Variants in TASP1 observed in about 807,000 individuals in gnomAD.
The protein encoded by TASP1 is taspase 1, also known as threonine aspartase 1.
Under a neutral mutation model 56.6 loss-of-function variants are expected in TASP1, and 16 were observed. The observed-to-expected ratio is 0.28, with a 90% CI of 0.19 to 0.43. The LOEUF (loss-of-function observed/expected upper bound fraction) is 0.43, where lower values mean the gene tolerates loss of function less well. Among genes scored for constraint, TASP1 ranks in the 20% least tolerant of loss-of-function variants. The pLI, the probability that TASP1 is intolerant of heterozygous loss-of-function variation, is 1.00. For synonymous variants in TASP1, 179 were observed against 184.2 expected (o/e 0.97, Z 0.23); for missense variants, 393 against 511.6 (o/e 0.77, Z 2.24).
At chr20:13,252,937 C>G in the TASP1 span, among the ~76,000 whole-genome samples, 2 of 152,294 alleles carry the variant, frequency 1.3e-5, no homozygotes, top group East Asian at 1.9e-4. Context: ...CCAGCCCCCC[C>G]TCTCAGATCT....
At chr20:13,536,623 A>G (rs1374176118) in intron 8 of TASP1, among the ~76,000 whole-genome samples, 1 of 152,138 alleles carries the variant, frequency 6.6e-6, no homozygotes, top group African/African-American at 2.4e-5. Context: ...ATATGCCAGT[A>G]CTTTTTGCCC....
At chr20:13,117,935 G>A in the TASP1 span, among the ~76,000 whole-genome samples, 1 of 152,144 alleles carries the variant, frequency 6.6e-6, no homozygotes, top group Admixed American at 6.5e-5. Context: ...TGTGATGAGT[G>A]ATCACACTAT....
At chr20:13,225,070 G>A in the TASP1 span, among the ~76,000 whole-genome samples, 24 of 150,894 alleles carry the variant, frequency 1.6e-4, no homozygotes, top group East Asian at 5.9e-4. Context: ...AGCCAGGATG[G>A]TCTCACTCTC....
chr20:13,534,235 C>T (rs1416572889), intron 8 of TASP1, 94 bp from the exon 9 acceptor site: 61 of 1,408,104 alleles, frequency 4.3e-5, no homozygotes, highest in Middle Eastern at 3.8e-4. Context: ...CATGACAGAA[C>T]AAAATCTAAA....
At chr20:13,401,948 G>A (rs775554163) in intron 13 of TASP1, among the ~76,000 whole-genome samples, 17 of 152,318 alleles carry the variant, frequency 1.1e-4, no homozygotes, top group Non-Finnish European at 1.8e-4. Context: ...AACTACATAC[G>A]TATGTGGAGA....
chr20:13,276,923 A>T, the TASP1 span, among the ~76,000 whole-genome samples: 8 of 152,154 alleles, frequency 5.3e-5, no homozygotes, highest in African/African-American at 1.9e-4. Context: ...CACTTTGTTA[A>T]CTGTAGGGAA....
chr20:13,608,390 G>A (rs965648979), intron 4 of TASP1, among the ~76,000 whole-genome samples: 1 of 152,176 alleles, frequency 6.6e-6, no homozygotes, highest in African/African-American at 2.4e-5. Flanking sequence ...GGTAGCACAG[G>A]TTAAGAGTCA....
chr20:13,480,565 T>C (rs949417076), intron 11 of TASP1, among the ~76,000 whole-genome samples: 2 of 152,170 alleles, frequency 1.3e-5, no homozygotes, highest in Non-Finnish European at 2.9e-5. Context: ...TGGATCCCAG[T>C]GGCAAGATGA....
At chr20:13,621,136 A>C (rs995613728) in intron 4 of TASP1, among the ~76,000 whole-genome samples, 12 of 152,182 alleles carry the variant, frequency 7.9e-5, no homozygotes, top group African/African-American at 2.9e-4. Context: ...AATAATTACA[A>C]GTTGAGGCCA....
chr20:13,556,172 C>A (rs948126150), intron 8 of TASP1, among the ~76,000 whole-genome samples: 4 of 152,162 alleles, frequency 2.6e-5, no homozygotes, highest in Non-Finnish European at 5.9e-5. Flanking sequence ...CAGCTAAAAC[C>A]CTTAAATCCT....
intron 8 of TASP1, among the ~76,000 whole-genome samples, chr20:13,550,951 GA>G (rs1209971088): frequency 6.6e-6 from 1 of 152,042 alleles, no homozygotes; most frequent in Admixed American, 6.6e-5. Context: ...GATTTAGTAT[GA>G]TACAGTTAAG....
At chr20:13,535,064 C>T (rs1488250526) in intron 8 of TASP1, among the ~76,000 whole-genome samples, 1 of 152,188 alleles carries the variant, frequency 6.6e-6, no homozygotes, top group East Asian at 1.9e-4. Flanking sequence ...CCACCCTTAC[C>T]CCCACCACCA....
At chr20:13,221,255 CCTCCTCCTT>C in the TASP1 span, among the ~76,000 whole-genome samples, 10 of 131,196 alleles carry the variant, frequency 7.6e-5, 1 homozygote, top group East Asian at 1.4e-3. Context: ...TCCTCCTCCT[CCTCCTCCTT>C]CTCCTTCTCC....
chr20:13,186,935 C>G, the TASP1 span, among the ~76,000 whole-genome samples: 2 of 152,076 alleles, frequency 1.3e-5, no homozygotes, highest in Non-Finnish European at 2.9e-5. Context: ...AATTATCAGA[C>G]AGGAAATTAA....
At chr20:13,315,113 G>T in the TASP1 span, among the ~76,000 whole-genome samples, 3 of 149,026 alleles carry the variant, frequency 2.0e-5, no homozygotes, top group African/African-American at 7.3e-5. Context: ...GGCAGAAAAA[G>T]AATGGAAGAC....
chr20:13,221,647 C>T, the TASP1 span: 11 of 739,744 alleles, frequency 1.5e-5, no homozygotes, highest in Non-Finnish European at 2.0e-5. Context: ...GCCCGGGAAG[C>T]GGAGCCCTGG....
At chr20:13,513,502 G>A (rs1270718872) in intron 10 of TASP1, among the ~76,000 whole-genome samples, 2 of 152,032 alleles carry the variant, frequency 1.3e-5, no homozygotes, top group Non-Finnish European at 2.9e-5. Flanking sequence ...GCTCATCTCA[G>A]GCTTCACCAC....
the TASP1 span, among the ~76,000 whole-genome samples, chr20:13,379,859 G>A: frequency 1.3e-5 from 2 of 152,032 alleles, no homozygotes; most frequent in South Asian, 2.1e-4. Context: ...CCATTTGATC[G>A]ATTTGGCTGT....
intron 11 of TASP1, among the ~76,000 whole-genome samples, chr20:13,476,217 T>C (rs1322718925): frequency 2.6e-5 from 4 of 152,190 alleles, no homozygotes; most frequent in Admixed American, 2.0e-4. Context: ...GTAACTCTCT[T>C]TTACGTGTTT....
Sources: allele counts gnomAD v4.1 joint callset (sites outside exome capture counted in the v4.1 genomes callset), GRCh38; gene constraint gnomAD v4.1.1; transcripts MANE v1.5; gene names NCBI Gene and HGNC (gene_info 2026-07-23, HGNC 2026-07-21).